Variants in MTUS2 observed in about 807,000 individuals in gnomAD.
MTUS2 encodes microtubule-associated tumor suppressor candidate 2.
In MTUS2, 40 loss-of-function variants were observed where a neutral mutation model predicts 114.1. The ratio of observed to expected loss-of-function variants is 0.35; its 90% CI spans 0.27 to 0.46. MTUS2 has a LOEUF of 0.46. Ranked by LOEUF, MTUS2 falls within the 20% of genes least tolerant of loss-of-function variation. The probability of loss-of-function intolerance (pLI) is 1.00; values close to 1 mark genes in which losing one functional copy is unlikely to be tolerated. For synonymous variants in MTUS2, 688 were observed against 672.0 expected (o/e 1.02, Z -0.37); for missense variants, 1,679 against 1,705.4 (o/e 0.98, Z 0.27).
intron 9 of MTUS2, among the ~76,000 whole-genome samples, chr13:29,442,825 G>A (rs1245145809): frequency 6.6e-6 from 1 of 152,228 alleles, no homozygotes; most frequent in Non-Finnish European, 1.5e-5. Context: ...AGAGACTCAG[G>A]AACTGAAAGA....
chr13:29,142,393 G>A (rs1892259748), intron 5 of MTUS2, among the ~76,000 whole-genome samples: 1 of 152,092 alleles, frequency 6.6e-6, no homozygotes, highest in South Asian at 2.1e-4. Flanking sequence ...CCATTGATAG[G>A]AATGCAAGCA....
Position 29,503,296 on chromosome 13 carries a change from C to A in MTUS2, c.*90C>A. On this transcript the variant is annotated 3_prime_UTR_variant, in exon 16 of 16. Transcript: ENST00000612955. Reference sequence around the variant, plus strand: ...CGACCCGGTGCCGCCGGAGCTGGCCCTGTGCGCATGCTCAGTAGCTGCGAA... The same window carrying A: ...CGACCCGGTGCCGCCGGAGCTGGCCATGTGCGCATGCTCAGTAGCTGCGAA... The A allele has an allele frequency of 6.9e-7, 1 of 1,447,890 alleles. No individual in the cohort carries two copies. Among genetic ancestry groups the A allele is most frequent in the South Asian group, 1.2e-5 (1 of 84,842 alleles). 89.7% of individuals were successfully genotyped at this position (1,447,890 alleles called of 1,614,324 possible).
chr13:28,982,801 T>C (rs2138301457), intron 2 of MTUS2, among the ~76,000 whole-genome samples: 2 of 152,336 alleles, frequency 1.3e-5, no homozygotes, highest in Middle Eastern at 6.8e-3. Flanking sequence ...TACTATGTGA[T>C]TCCATTCAGA....
chr13:29,019,351 C>T lies in MTUS2; in HGVS notation c.-242-5106C>T, dbSNP rs760289727. Among the ~76,000 whole-genome samples, 20 of 152,030 alleles carry T rather than the reference C, an allele frequency of 1.3e-4. 1 individual carries two copies. Among genetic ancestry groups the T allele is most frequent in the African/African-American group, 4.8e-4 (20 of 41,452 alleles). ...TGCTGTGTTCTGCTAACATTGGTGT[C>T]GATGAATGACACCAGTGAGTGATTT... is the stretch of plus-strand genomic sequence containing the variant. On this transcript the variant is annotated intron_variant, in intron 2 of 15. Transcript: ENST00000612955.
chr13:29,246,300 A>G (rs940789101), intron 5 of MTUS2, among the ~76,000 whole-genome samples: 2 of 152,162 alleles, frequency 1.3e-5, no homozygotes, highest in Non-Finnish European at 2.9e-5. Flanking sequence ...AAACTATGAG[A>G]AGATAAAGGG....
rs558668369 is a variant in MTUS2 at position 29,111,940 on chromosome 13, A to G, written c.2644+10970A>G. On this transcript the variant is annotated intron_variant, in intron 5 of 15. Transcript: ENST00000612955. The stretch of plus-strand genomic sequence containing the variant: ...GTGCCATTCCACACTGTGTACAGGA[A>G]GAGAAGCTTATTTGTGAGGCTTTGA... Among the ~76,000 whole-genome samples, 15 of 152,296 alleles carry G rather than the reference A, an allele frequency of 9.8e-5. 2 individuals are homozygous for G. In the South Asian group the frequency reaches 3.1e-3, roughly 32 times the overall value.
intron 2 of MTUS2, among the ~76,000 whole-genome samples, chr13:28,902,487 C>T (rs1308239352): frequency 1.3e-5 from 2 of 151,942 alleles, no homozygotes; most frequent in East Asian, 3.9e-4. Context: ...CATTCTTGAA[C>T]AAGTTAAGGA....
At chr13:28,930,380 T>C (rs997869978) in intron 2 of MTUS2, among the ~76,000 whole-genome samples, 2 of 152,204 alleles carry the variant, frequency 1.3e-5, no homozygotes, top group African/African-American at 2.4e-5. Flanking sequence ...GGTGCTTATC[T>C]CTGGGTCGGC....
intron 6 of MTUS2, among the ~76,000 whole-genome samples, chr13:29,323,515 G>C (rs1900346214): frequency 6.6e-6 from 1 of 152,162 alleles, no homozygotes; most frequent in South Asian, 2.1e-4. Flanking sequence ...CTCCCAAAGT[G>C]CTGGGATGAC....
chr13:29,210,900 G>T (rs1375268210), intron 5 of MTUS2, among the ~76,000 whole-genome samples: 1 of 152,184 alleles, frequency 6.6e-6, no homozygotes, highest in Non-Finnish European at 1.5e-5. Flanking sequence ...GTGTTGGTTG[G>T]CCTCCAGCCA....
chr13:28,975,143 G>A (rs1884030042), intron 2 of MTUS2, among the ~76,000 whole-genome samples: 1 of 151,794 alleles, frequency 6.6e-6, no homozygotes, highest in Non-Finnish European at 1.5e-5. Flanking sequence ...TAGGCAGCCC[G>A]ATTGGATCCA....
chr13:29,117,435 C>T (rs973008158), intron 5 of MTUS2, among the ~76,000 whole-genome samples: 4 of 152,122 alleles, frequency 2.6e-5, no homozygotes, highest in African/African-American at 4.8e-5. Context: ...TCCATGCTCG[C>T]GTTAAGTATT....
intron 2 of MTUS2, among the ~76,000 whole-genome samples, chr13:28,978,151 T>C (rs910558879): frequency 1.3e-5 from 2 of 152,238 alleles, no homozygotes; most frequent in African/African-American, 4.8e-5. Context: ...ACCACTTTTA[T>C]TGCACTTGAC....
intron 5 of MTUS2, among the ~76,000 whole-genome samples, chr13:29,236,044 A>AT (rs1381736930): frequency 1.3e-5 from 2 of 151,956 alleles, no homozygotes; most frequent in South Asian, 2.1e-4. Context: ...ATATACTTGC[A>AT]TTTTTTCTTG....
chr13:28,861,612 A>G (rs916022233), intron 2 of MTUS2, among the ~76,000 whole-genome samples: 5 of 152,034 alleles, frequency 3.3e-5, no homozygotes, highest in African/African-American at 9.7e-5. Context: ...AATCTTTGGG[A>G]ATATTTGTCA....
At chr13:28,898,554 T>C (rs1879432222) in intron 2 of MTUS2, among the ~76,000 whole-genome samples, 1 of 152,216 alleles carries the variant, frequency 6.6e-6, no homozygotes, top group Non-Finnish European at 1.5e-5. Flanking sequence ...CCCTGCTGAT[T>C]GTGAACATTA....
At chr13:28,898,350 A>G (rs1815956588) in intron 2 of MTUS2, among the ~76,000 whole-genome samples, 1 of 152,216 alleles carries the variant, frequency 6.6e-6, no homozygotes, top group Non-Finnish European at 1.5e-5. Context: ...CAAAAACACT[A>G]TCACAACCTA....
At chr13:29,139,126 G>A (rs1250297035) in intron 5 of MTUS2, among the ~76,000 whole-genome samples, 1 of 151,556 alleles carries the variant, frequency 6.6e-6, no homozygotes, top group Non-Finnish European at 1.5e-5. Context: ...ATTATCTCAG[G>A]CACTTATGCA....
intron 2 of MTUS2, among the ~76,000 whole-genome samples, chr13:28,857,758 A>T (rs1288406341): frequency 2.0e-5 from 3 of 152,210 alleles, no homozygotes; most frequent in African/African-American, 7.2e-5. Flanking sequence ...ATGCCTACTT[A>T]TGTTCAAGTT....
Sources: gnomAD v4.1 joint callset for allele counts (sites outside exome capture counted in the v4.1 genomes callset) on GRCh38, gnomAD v4.1.1 for gene constraint, MANE v1.5 for transcripts, NCBI Gene and HGNC (gene_info 2026-07-23, HGNC 2026-07-21) for gene names.